PID1: variants seen among roughly 807,000 people sequenced by gnomAD.
PID1 encodes phosphotyrosine interaction domain containing 1, also known as PTB-containing, cubilin and LRP1-interacting protein.
A neutral mutation model predicts 19.1 loss-of-function variants in PID1; 10 were observed. The ratio of observed to expected loss-of-function variants is 0.52; its 90% confidence interval spans 0.32 to 0.89. PID1 has a LOEUF of 0.89. PID1 is among the 40% of genes least tolerant of loss of function. The pLI is 0.03. For missense variants in PID1, 248 were observed against 285.3 expected (o/e 0.87, Z 0.94); for synonymous variants, 130 against 116.0 (o/e 1.12, Z -0.78).
intron 1 of PID1, among the ~76,000 whole-genome samples, chr2:229,171,834 A>G (rs1690716956): frequency 6.6e-6 from 1 of 152,154 alleles, no homozygotes; most frequent in South Asian, 2.1e-4. Flanking sequence ...TTGACTATAT[A>G]CCACTACTGG....
Position 229,182,690 on chromosome 2 carries a change from A to G in PID1, c.31-26726T>C, listed in dbSNP as rs73998586. 4.5e-3 allele frequency among the ~76,000 whole-genome samples: 678 copies of G among 152,288 alleles called. 5 individuals carry two copies. The highest frequency in any genetic ancestry group is 0.016 in the African/African-American group (654 of 41,568). Reference sequence around the variant, plus strand: ...AATTTCCAAGGTCAATCATCATGACAGTTCCCTTTCATACACTACACTTTG... The same window carrying G: ...AATTTCCAAGGTCAATCATCATGACGGTTCCCTTTCATACACTACACTTTG... On this transcript the variant is annotated intron_variant, in intron 1 of 2. Coordinates refer to ENST00000392055, the MANE Select transcript of PID1 (RefSeq NM_001100818.2).
At chr2:229,103,830 G>A (rs1183466724) in intron 2 of PID1, among the ~76,000 whole-genome samples, 1 of 152,056 alleles carries the variant, frequency 6.6e-6, no homozygotes. Context: ...ACCCACCTTG[G>A]CCTCCCAAAG....
chr2:229,258,333 T>A (rs547884560), intron 1 of PID1, among the ~76,000 whole-genome samples: 6 of 152,188 alleles, frequency 3.9e-5, no homozygotes, highest in Non-Finnish European at 8.8e-5. Context: ...CTGAGATGGA[T>A]GAAAAATGTC....
In PID1 at chr2:229,064,042, G is replaced by A. The variant is rs1339054232; in HGVS notation, c.178-37934C>T. Among the ~76,000 whole-genome samples, 4 of 152,170 alleles carry A rather than the reference G, an allele frequency of 2.6e-5. No individual in the cohort carries two copies. The East Asian group carries it at 7.7e-4, about 29-fold the overall frequency. On this transcript the variant is annotated intron_variant, in intron 2 of 2. Coordinates refer to ENST00000392055, the MANE Select transcript of PID1 (RefSeq NM_001100818.2). ...AAGTCTAAAGAACTGAAAAGGGTGA[G>A]AGAAAATGTTGAGGCTGGAGAAGAA...
At chr2:229,066,906 G>A (rs908744815) in intron 2 of PID1, among the ~76,000 whole-genome samples, 2 of 152,058 alleles carry the variant, frequency 1.3e-5, no homozygotes, top group Non-Finnish European at 2.9e-5. Context: ...TAACTCCATA[G>A]GAACAGATTA....
intron 1 of PID1, among the ~76,000 whole-genome samples, chr2:229,198,351 T>G (rs1691421955): frequency 1.3e-5 from 2 of 152,050 alleles, no homozygotes; most frequent in Admixed American, 6.6e-5. Context: ...ATAGTCCACA[T>G]TTCAAGGTCT....
chr2:229,113,594 A>G (rs1006255168), intron 2 of PID1, among the ~76,000 whole-genome samples: 28 of 54,120 alleles, frequency 5.2e-4, no homozygotes, highest in South Asian at 1.3e-3. Context: ...GTGTATGCAT[A>G]TATGTGTGTG....
intron 2 of PID1, among the ~76,000 whole-genome samples, chr2:229,130,724 CA>C (rs1689721231): frequency 1.3e-5 from 2 of 152,330 alleles, no homozygotes; most frequent in Admixed American, 1.3e-4. Context: ...GGCTCTGATA[CA>C]AAGCAGATGC....
At chr2:229,196,666 G>A (rs1691385029) in intron 1 of PID1, among the ~76,000 whole-genome samples, 1 of 152,036 alleles carries the variant, frequency 6.6e-6, no homozygotes, top group Non-Finnish European at 1.5e-5. Context: ...GGAATGCAGG[G>A]CAGACTTTGT....
intron 2 of PID1, among the ~76,000 whole-genome samples, chr2:229,131,848 TC>T (rs1689747372): frequency 6.6e-6 from 1 of 151,468 alleles, no homozygotes; most frequent in Non-Finnish European, 1.5e-5. Context: ...TGCTAAATAT[TC>T]ATTTATCTCA....
chr2:229,037,709 C>G (rs1693693039), intron 2 of PID1, among the ~76,000 whole-genome samples: 1 of 152,152 alleles, frequency 6.6e-6, no homozygotes. Flanking sequence ...GATGATAAAA[C>G]CTGGAGCTGT....
At chr2:229,177,804 T>TA (rs1690855869) in intron 1 of PID1, among the ~76,000 whole-genome samples, 1 of 152,194 alleles carries the variant, frequency 6.6e-6, no homozygotes, top group Non-Finnish European at 1.5e-5. Flanking sequence ...CCTCCAGAGC[T>TA]ATGTCAGGTA....
intron 1 of PID1, among the ~76,000 whole-genome samples, chr2:229,200,360 C>T (rs1453905938): frequency 6.6e-6 from 1 of 151,922 alleles, no homozygotes; most frequent in Non-Finnish European, 1.5e-5. Context: ...GTTTGTTTTG[C>T]TTTGACCAAA....
intron 1 of PID1, among the ~76,000 whole-genome samples, chr2:229,239,454 C>A (rs1400307467): frequency 6.6e-6 from 1 of 152,090 alleles, no homozygotes; most frequent in Non-Finnish European, 1.5e-5. Context: ...AAGCCGAACC[C>A]CCCGTGTCAA....
chr2:229,139,134 A>AAGCAAGC (rs1559251927), intron 2 of PID1, among the ~76,000 whole-genome samples: 1 of 117,984 alleles, frequency 8.5e-6, no homozygotes, highest in African/African-American at 3.3e-5. Flanking sequence ...AGAAAGAAAG[A>AAGCAAGC]AAGAAAGAAA....
chr2:229,137,350 C>T (rs1482119404), intron 2 of PID1, among the ~76,000 whole-genome samples: 2 of 152,214 alleles, frequency 1.3e-5, no homozygotes, highest in African/African-American at 4.8e-5. Flanking sequence ...ACTTGAGGTC[C>T]TGAGTGTGGA....
intron 1 of PID1, among the ~76,000 whole-genome samples, chr2:229,176,615 T>C (rs1039120495): frequency 6.6e-6 from 1 of 152,240 alleles, no homozygotes; most frequent in Admixed American, 6.5e-5. Context: ...ATGTTGTCTG[T>C]TGCCATTAAT....
At chr2:229,100,396 A>G (rs1162689624) in intron 2 of PID1, among the ~76,000 whole-genome samples, 1 of 152,256 alleles carries the variant, frequency 6.6e-6, no homozygotes, top group African/African-American at 2.4e-5. Flanking sequence ...CAACATTTCA[A>G]TGAAACTATT....
chr2:229,237,510 A>G (rs1326945147), intron 1 of PID1, among the ~76,000 whole-genome samples: 1 of 152,210 alleles, frequency 6.6e-6, no homozygotes, highest in African/African-American at 2.4e-5. Context: ...ATCACCTTGT[A>G]CAACAGAAAA....
Sources: allele counts gnomAD v4.1 joint callset (sites outside exome capture counted in the v4.1 genomes callset), GRCh38; gene constraint gnomAD v4.1.1; transcripts MANE v1.5; gene names NCBI Gene and HGNC (gene_info 2026-07-23, HGNC 2026-07-21).